Variants in ENTREP2 observed in about 807,000 individuals in gnomAD.
ENTREP2 encodes the protein protein ENTREP2.
chr15:29,145,641 A>AAC, the ENTREP2 span, among the ~76,000 whole-genome samples: 1 of 151,220 alleles, frequency 6.6e-6, no homozygotes, highest in East Asian at 1.9e-4. Context: ...AAAAAAAAAA[A>AAC]AAAACAACCA....
At chr15:29,309,001 A>T in the ENTREP2 span, among the ~76,000 whole-genome samples, 1 of 152,164 alleles carries the variant, frequency 6.6e-6, no homozygotes, top group Non-Finnish European at 1.5e-5. Context: ...TTGGTATAAA[A>T]GCATTTGTGT....
At chr15:29,215,577 AATATAT>A in the ENTREP2 span, among the ~76,000 whole-genome samples, 12 of 144,718 alleles carry the variant, frequency 8.3e-5, no homozygotes, top group African/African-American at 2.3e-4. Context: ...AAATATATAT[AATATAT>A]ATATATATAT....
chr15:29,328,532 G>C, the ENTREP2 span, among the ~76,000 whole-genome samples: 1 of 152,206 alleles, frequency 6.6e-6, no homozygotes, highest in African/African-American at 2.4e-5. Context: ...GGGAAAAGGT[G>C]CTGACTTAAG....
the ENTREP2 span, among the ~76,000 whole-genome samples, chr15:29,614,747 A>G: frequency 6.6e-6 from 1 of 152,188 alleles, no homozygotes; most frequent in Non-Finnish European, 1.5e-5. Flanking sequence ...GGGAAGGTAG[A>G]AGGTGGCAGG....
the ENTREP2 span, chr15:29,137,172 G>A: frequency 6.8e-7 from 1 of 1,480,906 alleles, no homozygotes; most frequent in Non-Finnish European, 8.9e-7. Context: ...GGGGTTGGCA[G>A]GATGTGACCT....
At chr15:29,510,338 T>C in the ENTREP2 span, among the ~76,000 whole-genome samples, 1 of 152,196 alleles carries the variant, frequency 6.6e-6, no homozygotes, top group Non-Finnish European at 1.5e-5. Flanking sequence ...GAAGACAGTG[T>C]GGCGACTGCT....
chr15:29,547,684 T>C, the ENTREP2 span, among the ~76,000 whole-genome samples: 1 of 152,206 alleles, frequency 6.6e-6, no homozygotes, highest in Admixed American at 6.5e-5. Flanking sequence ...AATTTGTCTG[T>C]TCCTCAAAAA....
At chr15:29,332,204 T>A in the ENTREP2 span, among the ~76,000 whole-genome samples, 1 of 152,028 alleles carries the variant, frequency 6.6e-6, no homozygotes, top group Non-Finnish European at 1.5e-5. Flanking sequence ...CTCAAAGATA[T>A]AACAAAGTTA....
the ENTREP2 span, among the ~76,000 whole-genome samples, chr15:29,149,081 T>C: frequency 1.3e-5 from 2 of 152,172 alleles, no homozygotes; most frequent in Non-Finnish European, 2.9e-5. Flanking sequence ...TTCACCATGT[T>C]GACCAGGGTG....
the ENTREP2 span, among the ~76,000 whole-genome samples, chr15:29,253,396 A>G: frequency 1.3e-4 from 19 of 151,896 alleles, no homozygotes; most frequent in African/African-American, 4.6e-4. Flanking sequence ...TTTGGTGATT[A>G]AATACAGAGG....
chr15:29,664,102 C>G, the ENTREP2 span, among the ~76,000 whole-genome samples: 2 of 151,894 alleles, frequency 1.3e-5, no homozygotes, highest in African/African-American at 4.8e-5. Context: ...GCATATATTA[C>G]AATCTGATGC....
chr15:29,132,977 C>T, the ENTREP2 span, among the ~76,000 whole-genome samples: 5 of 152,118 alleles, frequency 3.3e-5, no homozygotes, highest in Admixed American at 1.3e-4. Flanking sequence ...GAGCTGCCCC[C>T]GCGCCACAAG....
chr15:29,373,987 G>A, the ENTREP2 span: 3 of 152,002 alleles, frequency 2.0e-5, no homozygotes, highest in South Asian at 6.2e-4. Flanking sequence ...GTATGCATGG[G>A]GAAAAATGGA....
the ENTREP2 span, among the ~76,000 whole-genome samples, chr15:29,633,966 G>T: frequency 6.6e-6 from 1 of 151,270 alleles, no homozygotes; most frequent in Non-Finnish European, 1.5e-5. Flanking sequence ...AAAAGAAAAA[G>T]AAAAAACGGG....
chr15:29,563,600 G>C, the ENTREP2 span, among the ~76,000 whole-genome samples: 1 of 152,160 alleles, frequency 6.6e-6, no homozygotes. Context: ...GGGAGGCCAA[G>C]GCTGGTGGAC....
At chr15:29,126,050 C>T in the ENTREP2 span, among the ~76,000 whole-genome samples, 4 of 152,132 alleles carry the variant, frequency 2.6e-5, no homozygotes, top group African/African-American at 9.7e-5. Flanking sequence ...TGAATCCTTC[C>T]TCCCCTGCCA....
chr15:29,357,833 C>T, the ENTREP2 span, among the ~76,000 whole-genome samples: 3 of 146,852 alleles, frequency 2.0e-5, no homozygotes, highest in East Asian at 2.0e-4. Flanking sequence ...AGCAAGAGAG[C>T]GAGACTCTGA....
At chr15:29,573,646 C>CT in the ENTREP2 span, among the ~76,000 whole-genome samples, 15 of 151,020 alleles carry the variant, frequency 9.9e-5, no homozygotes, top group Non-Finnish European at 1.5e-4. Context: ...TCTCTCCCCC[C>CT]CTCTCTCTCT....
chr15:29,156,179 TTTTTGTTTTG>T, the ENTREP2 span, among the ~76,000 whole-genome samples: 1 of 151,702 alleles, frequency 6.6e-6, no homozygotes, highest in Non-Finnish European at 1.5e-5. Context: ...GGTGGTGGCG[TTTTTGTTTTG>T]TTTTGTTTTG....
Sources: allele counts gnomAD v4.1 joint callset (sites outside exome capture counted in the v4.1 genomes callset), GRCh38; gene constraint gnomAD v4.1.1; transcripts MANE v1.5; gene names NCBI Gene and HGNC (gene_info 2026-07-23, HGNC 2026-07-21).